The following GALNTL6 variants were observed in gnomAD, a reference collection of about 807,000 sequenced individuals.
The protein encoded by GALNTL6 is polypeptide N-acetylgalactosaminyltransferase like 6, also known as polypeptide N-acetylgalactosaminyltransferase-like 6.
In GALNTL6, 46 loss-of-function variants were observed where a neutral mutation model predicts 73.7. The observed-to-expected ratio is 0.62, with a 90% CI of 0.49 to 0.80. GALNTL6 has a LOEUF of 0.80. Ranked by LOEUF, GALNTL6 falls within the 30% of genes least tolerant of loss-of-function variation. The pLI is 0.00. For missense variants in GALNTL6, 604 were observed against 755.0 expected (o/e 0.80, Z 2.34); for synonymous variants, 259 against 263.7 (o/e 0.98, Z 0.17).
At position 172,348,685 on chromosome 4, in the gene GALNTL6, G is replaced by C. The variant is rs1741840362; in HGVS notation, c.549G>C (p.Glu183Asp). The change falls in exon 5 of 13, where the codon GAG becomes GAC. Residue 183 changes from glutamate (E) to aspartate (D), a missense_variant. Coordinates refer to ENST00000506823, the MANE Select transcript of GALNTL6 (RefSeq NM_001034845.3). ...AEIILVDDFS[E>D]REHLKDKLEE... ...TCATTCTAGTAGATGACTTCAGTGA[G>C]AGAGGTAAGATACAGTTGATAACAT... 6.2e-7 allele frequency: 1 copy of C among 1,603,416 alleles called. No homozygotes were observed. Among genetic ancestry groups the C allele is most frequent in the African/African-American group, 1.3e-5 (1 of 74,664 alleles).
At chr4:172,500,109 G>A (rs1461653022) in intron 5 of GALNTL6, among the ~76,000 whole-genome samples, 1 of 152,104 alleles carries the variant, frequency 6.6e-6, no homozygotes, top group Admixed American at 6.6e-5. Context: ...TGTATGTCAA[G>A]ACATATCATT....
At chr4:172,153,929 G>C (rs1651585241) in intron 2 of GALNTL6, among the ~76,000 whole-genome samples, 1 of 152,234 alleles carries the variant, frequency 6.6e-6, no homozygotes, top group Non-Finnish European at 1.5e-5. Flanking sequence ...AAAGGCGGCT[G>C]AGGCTGCCCG....
chr4:171,996,206 C>G (rs888829542), intron 2 of GALNTL6, among the ~76,000 whole-genome samples: 1 of 152,028 alleles, frequency 6.6e-6, no homozygotes, highest in Non-Finnish European at 1.5e-5. Flanking sequence ...TAATGTCATG[C>G]TTTATTTGGT....
intron 5 of GALNTL6, among the ~76,000 whole-genome samples, chr4:172,585,888 AC>A (rs1737391493): frequency 6.6e-6 from 1 of 152,192 alleles, no homozygotes; most frequent in Non-Finnish European, 1.5e-5. Context: ...CATTTATGTG[AC>A]CAACAAACAT....
intron 5 of GALNTL6, among the ~76,000 whole-genome samples, chr4:172,556,582 A>G (rs911440015): frequency 1.3e-5 from 2 of 152,090 alleles, no homozygotes; most frequent in Non-Finnish European, 2.9e-5. Context: ...GTAACTGGCC[A>G]TTCAGTATTT....
At chr4:171,853,636 A>T (rs1578912337) in intron 2 of GALNTL6, among the ~76,000 whole-genome samples, 1 of 80,938 alleles carries the variant, frequency 1.2e-5, no homozygotes, top group Non-Finnish European at 2.2e-5. Flanking sequence ...TTTGAGACAG[A>T]GTCTTGCTCT....
At chr4:172,169,679 C>A (rs1165558449) in intron 2 of GALNTL6, among the ~76,000 whole-genome samples, 1 of 152,044 alleles carries the variant, frequency 6.6e-6, no homozygotes, top group Non-Finnish European at 1.5e-5. Context: ...CAAAATCCAA[C>A]TAAGATTTTA....
intron 5 of GALNTL6, among the ~76,000 whole-genome samples, chr4:172,778,835 T>C (rs754062236): frequency 6.6e-6 from 1 of 152,220 alleles, no homozygotes; most frequent in Non-Finnish European, 1.5e-5. Flanking sequence ...CCTCCAGGTC[T>C]CAGTTCAAAT....
Position 172,639,757 on chromosome 4 carries a change from A to G in GALNTL6, c.554-169604A>G, listed in dbSNP as rs545900235. ...AGACTTTGAACCAGCTCCCACCATAATATCTACTTGCTGGCATCTGCACTC... is the reference window on the plus strand; with the variant it reads ...AGACTTTGAACCAGCTCCCACCATAGTATCTACTTGCTGGCATCTGCACTC... On this transcript the variant is annotated intron_variant, in intron 5 of 12. Coordinates refer to ENST00000506823, the MANE Select transcript of GALNTL6 (RefSeq NM_001034845.3). Among the ~76,000 whole-genome samples the G allele has an allele frequency of 5.8e-4, 89 of 152,156 alleles. 1 individual carries two copies. Among genetic ancestry groups the G allele is most frequent in the African/African-American group, 2.0e-3 (81 of 41,530 alleles).
At chr4:172,537,530 T>C (rs1049113177) in intron 5 of GALNTL6, among the ~76,000 whole-genome samples, 1 of 152,236 alleles carries the variant, frequency 6.6e-6, no homozygotes, top group Non-Finnish European at 1.5e-5. Flanking sequence ...GGCCCAGCCA[T>C]GTAGAACTGT....
chr4:172,790,896 CA>C (rs770813700), intron 5 of GALNTL6, among the ~76,000 whole-genome samples: 6,662 of 71,378 alleles, frequency 0.093, 142 homozygotes, highest in African/African-American at 0.11. Flanking sequence ...GAGACTCCAT[CA>C]AAAAAAAAAA....
At chr4:172,329,344 T>C (rs550034399) in intron 4 of GALNTL6, among the ~76,000 whole-genome samples, 2 of 152,166 alleles carry the variant, frequency 1.3e-5, no homozygotes, top group African/African-American at 4.8e-5. Flanking sequence ...AGTGAGAAGA[T>C]ACAGGATCAG....
At chr4:172,980,717 T>TCA (rs1235529562) in intron 10 of GALNTL6, among the ~76,000 whole-genome samples, 1 of 152,192 alleles carries the variant, frequency 6.6e-6, no homozygotes, top group East Asian at 1.9e-4. Flanking sequence ...CCTTATGACC[T>TCA]CATTTAGCTT....
At chr4:171,975,822 A>G (rs1579023056) in intron 2 of GALNTL6, among the ~76,000 whole-genome samples, 1 of 152,172 alleles carries the variant, frequency 6.6e-6, no homozygotes, top group African/African-American at 2.4e-5. Flanking sequence ...GTATTTTTTG[A>G]AAAATAGTTC....
intron 8 of GALNTL6, among the ~76,000 whole-genome samples, chr4:172,929,403 G>A (rs1748215146): frequency 6.6e-6 from 1 of 152,126 alleles, no homozygotes; most frequent in Non-Finnish European, 1.5e-5. Context: ...ATCAAGATAT[G>A]TATCTGTATT....
At chr4:172,856,365 C>G (rs1372889707) in intron 7 of GALNTL6, among the ~76,000 whole-genome samples, 1 of 152,176 alleles carries the variant, frequency 6.6e-6, no homozygotes, top group African/African-American at 2.4e-5. Flanking sequence ...CTTCCACATA[C>G]AGCATTTTTT....
intron 5 of GALNTL6, among the ~76,000 whole-genome samples, chr4:172,727,759 A>G (rs1735904297): frequency 1.3e-5 from 2 of 152,080 alleles, no homozygotes. Context: ...TAAATGTCAA[A>G]CAATAAGAAA....
chr4:171,861,954 T>A (rs1000742456), intron 2 of GALNTL6, among the ~76,000 whole-genome samples: 11 of 152,186 alleles, frequency 7.2e-5, no homozygotes, highest in Non-Finnish European at 8.8e-5. Context: ...TTAAAGGCTT[T>A]GCTTTAATTA....
intron 3 of GALNTL6, among the ~76,000 whole-genome samples, chr4:172,291,364 C>A (rs1314252695): frequency 1.3e-5 from 2 of 152,016 alleles, no homozygotes; most frequent in African/African-American, 4.8e-5. Flanking sequence ...GAGACAAAAA[C>A]CAAGTCTTTT....
Sources: allele counts gnomAD v4.1 joint callset (sites outside exome capture counted in the v4.1 genomes callset), GRCh38; gene constraint gnomAD v4.1.1; transcripts MANE v1.5; gene names NCBI Gene and HGNC (gene_info 2026-07-23, HGNC 2026-07-21).